The following KIF13A variants were observed in gnomAD, a reference collection of about 807,000 sequenced individuals.
KIF13A encodes kinesin family member 13A, also known as kinesin-like protein KIF13A.
Under a neutral mutation model 212.2 loss-of-function variants are expected in KIF13A, and 79 were observed. The observed-to-expected ratio is 0.37, with a 90% CI of 0.31 to 0.45. The LOEUF (loss-of-function observed/expected upper bound fraction) is 0.45, where lower values mean the gene tolerates loss of function less well. KIF13A is among the 20% of genes least tolerant of loss of function. The pLI is 1.00. For synonymous variants in KIF13A, 789 were observed against 808.6 expected (o/e 0.98, Z 0.41); for missense variants, 1,901 against 2,209.0 (o/e 0.86, Z 2.79).
chr6:17,946,890 C>T lies in KIF13A; in HGVS notation c.146+40164G>A, dbSNP rs577744085. On this transcript the variant is annotated intron_variant, in intron 2 of 38. Coordinates refer to ENST00000259711, the MANE Select transcript of KIF13A (RefSeq NM_022113.6). ...GTGAATTCAGCTACGTGCATCAACA[C>T]GGACAAATGAATCTCAAGAACAAAG... is the stretch of plus-strand genomic sequence containing the variant. Among the ~76,000 whole-genome samples the T allele has an allele frequency of 7.2e-5, 11 of 152,304 alleles. No individual in the cohort carries two copies. The South Asian group carries it at 1.0e-3, about 14-fold the overall frequency.
intron 19 of KIF13A, 120 bp from the exon 20 acceptor site, chr6:17,804,630 G>T: frequency 9.9e-7 from 1 of 1,005,758 alleles, no homozygotes; most frequent in Non-Finnish European, 1.4e-6. Flanking sequence ...TAAACAGCAA[G>T]TAAAATTATA....
intron 6 of KIF13A, among the ~76,000 whole-genome samples, chr6:17,853,301 TATAATG>T (rs1767837515): frequency 6.6e-6 from 1 of 152,172 alleles, no homozygotes; most frequent in African/African-American, 2.4e-5. Flanking sequence ...CCAGAGATTC[TATAATG>T]CTATTCAGCA....
At chr6:17,779,863 CCCGAGTAGCTGGGA>C (rs1185276181) in intron 31 of KIF13A, among the ~76,000 whole-genome samples, 179 bp from the exon 32 acceptor site, 2 of 151,492 alleles carry the variant, frequency 1.3e-5, no homozygotes, top group Non-Finnish European at 2.9e-5. Context: ...GCCTCAGCCT[CCCGAGTAGCTGGGA>C]CTACAGGCGC....
At position 17,794,404 on chromosome 6, in the gene KIF13A, G is replaced by A; in HGVS notation, c.3076-9C>T. The A allele has an allele frequency of 6.2e-7, 1 of 1,607,014 alleles. No individual in the cohort carries two copies. The highest frequency in any genetic ancestry group is 1.1e-5 in the South Asian group (1 of 90,822). On this transcript the variant is annotated splice_polypyrimidine_tract_variant and intron_variant, in intron 24 of 38. Coordinates refer to ENST00000259711, the MANE Select transcript of KIF13A (RefSeq NM_022113.6). The surrounding 1 kb of genome is among the most constrained non-coding windows in gnomAD (Gnocchi z 4.1). ...ACTCTACGGGAATGACCCTGAAGAGGGTGGGGAGGAGTATGGGTGCCAGGA... is the reference window on the plus strand; with the variant it reads ...ACTCTACGGGAATGACCCTGAAGAGAGTGGGGAGGAGTATGGGTGCCAGGA...
At chr6:17,916,749 T>TG (rs1361865657) in intron 2 of KIF13A, among the ~76,000 whole-genome samples, 2 of 152,258 alleles carry the variant, frequency 1.3e-5, no homozygotes, top group East Asian at 3.9e-4. Context: ...TACAAATGAA[T>TG]GGACAGGTTA....
chr6:17,812,751 C>T (rs911086007), intron 17 of KIF13A: 9 of 152,258 alleles, frequency 5.9e-5, no homozygotes, highest in South Asian at 2.1e-4. Context: ...AAAAAATTGC[C>T]GCATTGCTTT....
intron 2 of KIF13A, among the ~76,000 whole-genome samples, chr6:17,944,290 G>GT (rs756496992): frequency 6.6e-6 from 1 of 152,248 alleles, no homozygotes; most frequent in East Asian, 1.9e-4. Context: ...ACACACTCAA[G>GT]TTCTTATAGA....
chr6:17,979,896 T>C (rs1354954005), intron 2 of KIF13A, among the ~76,000 whole-genome samples: 1 of 151,614 alleles, frequency 6.6e-6, no homozygotes, highest in Non-Finnish European at 1.5e-5. Context: ...TGTCAAAAGG[T>C]AGGACAAAAA....
chr6:17,818,039 C>A (rs1369161270), intron 16 of KIF13A, among the ~76,000 whole-genome samples: 1 of 152,172 alleles, frequency 6.6e-6, no homozygotes, highest in African/African-American at 2.4e-5. Context: ...AAGATCAAGG[C>A]TCTGGGTCAC....
At position 17,794,587 on chromosome 6, in the gene KIF13A, G is replaced by A; in HGVS notation, c.3060C>T (p.Ile1020=). 6.2e-7 allele frequency: 1 copy of A among 1,608,314 alleles called. No individual in the cohort carries two copies. The highest frequency in any genetic ancestry group is 1.1e-5 in the South Asian group (1 of 89,474). Residue 1020 remains isoleucine (I), a synonymous_variant, in exon 24 of 39, where the codon ATC becomes ATT. Transcript: ENST00000259711. This position sits in a 1 kb window ranked among gnomAD's most constrained non-coding sequence, Gnocchi z 4.1. ...AACTCAGTACCTGTCTAAGTTGAAA[G>A]ATGCCTCCTGTGTTGACATCTTTTG... ...HQAKDVNTGG[I]FQLRQGHSRR...
chr6:17,766,483 C>G (rs60431330), intron 38 of KIF13A, among the ~76,000 whole-genome samples: 29,787 of 152,006 alleles, frequency 0.2, 3,317 homozygotes, highest in Admixed American at 0.28. Context: ...GGTGATCTGC[C>G]CGTCTCAGCC....
chr6:17,799,328 G>A lies in KIF13A; in HGVS notation c.2728C>T (p.Pro910Ser). Residue 910 changes from proline to serine, a missense_variant, in exon 22 of 39, where the codon CCC becomes TCC. Around this residue, in one of 5 missense-constraint regions of KIF13A, gnomAD observed 534 missense variants for 536.9 expected, o/e 0.99. Transcript: ENST00000259711. This position sits in a 1 kb window ranked among gnomAD's most constrained non-coding sequence, Gnocchi z 4.4. The part of the protein sequence containing the change: ...ESTVAAPVVD[P>S]EVPSPQSKDA... The stretch of plus-strand genomic sequence containing the variant: ...TTGGACTGTGGTGAAGGCACCTCGG[G>A]GTCCACCACCGGGGCAGCCACCGTA... 1 of 1,612,986 alleles carries A rather than the reference G, an allele frequency of 6.2e-7. No homozygotes were observed. The highest frequency in any genetic ancestry group is 1.1e-5 in the South Asian group (1 of 90,870).
intron 2 of KIF13A, among the ~76,000 whole-genome samples, chr6:17,933,039 T>C (rs1048531995): frequency 6.6e-6 from 1 of 152,072 alleles, no homozygotes; most frequent in Admixed American, 6.6e-5. Context: ...ATATCTAAAG[T>C]GTATCATTGT....
intron 4 of KIF13A, among the ~76,000 whole-genome samples, chr6:17,866,690 AACAC>A (rs1769401955): frequency 6.6e-6 from 1 of 151,692 alleles, no homozygotes; most frequent in South Asian, 2.1e-4. Flanking sequence ...CACCCCTCTA[AACAC>A]AAGTTAAATG....
At chr6:17,836,381 T>G (rs1306637308) in intron 11 of KIF13A, among the ~76,000 whole-genome samples, 2 of 152,196 alleles carry the variant, frequency 1.3e-5, no homozygotes, top group African/African-American at 4.8e-5. Context: ...CCAACTGATT[T>G]AGGGAAGCAA....
intron 4 of KIF13A, among the ~76,000 whole-genome samples, chr6:17,866,917 C>A (rs971112207): frequency 4.1e-5 from 6 of 145,800 alleles, no homozygotes; most frequent in African/African-American, 1.5e-4. Context: ...AAATTTAACA[C>A]GATTAGCAAA....
intron 2 of KIF13A, among the ~76,000 whole-genome samples, chr6:17,941,261 G>A (rs1776936367): frequency 1.3e-5 from 2 of 152,172 alleles, no homozygotes; most frequent in South Asian, 4.1e-4. Context: ...ATAGCCTGGT[G>A]CTATGAACTC....
intron 4 of KIF13A, among the ~76,000 whole-genome samples, chr6:17,858,670 AG>A (rs1768397062): frequency 6.6e-6 from 1 of 152,216 alleles, no homozygotes; most frequent in African/African-American, 2.4e-5. Context: ...CAGGCTTATT[AG>A]GATTGCTTGT....
At chr6:17,913,476 T>C (rs1346568002) in intron 2 of KIF13A, among the ~76,000 whole-genome samples, 1 of 152,160 alleles carries the variant, frequency 6.6e-6, no homozygotes, top group Non-Finnish European at 1.5e-5. Flanking sequence ...TTCCAAAAAG[T>C]GCAAAATGGA....
Sources: gnomAD v4.1 joint callset for allele counts (sites outside exome capture counted in the v4.1 genomes callset) on GRCh38, gnomAD v4.1.1 for gene constraint, gnomAD v4.1.1 regional missense constraint, Gnocchi (gnomAD v3.1) non-coding constraint, MANE v1.5 for transcripts, NCBI Gene and HGNC (gene_info 2026-07-23, HGNC 2026-07-21) for gene names.